The following FAM83A variants were observed in gnomAD, a reference collection of about 807,000 sequenced individuals.
FAM83A encodes the protein protein FAM83A.
In FAM83A, 21 loss-of-function variants were observed where a neutral mutation model predicts 24.4. The observed-to-expected ratio is 0.86, with a 90% CI of 0.61 to 1.24. FAM83A has a LOEUF of 1.24. Ranked by LOEUF, FAM83A falls within the 50% of genes most tolerant of loss-of-function variation. FAM83A has a pLI of 0.00. For missense variants in FAM83A, 617 were observed against 579.8 expected, an observed-to-expected ratio of 1.06 and a Z score of -0.66; for synonymous variants, 270 against 252.4, an observed-to-expected ratio of 1.07 and a Z score of -0.66.
exon 4 of FAM83A, chr8:123,207,868 T>C: frequency 7.2e-7 from 1 of 1,380,596 alleles, no homozygotes; most frequent in Non-Finnish European, 9.3e-7. Flanking sequence ...CACCAGTTCT[T>C]GGGTTCCCCG....
At chr8:123,180,170 C>T (rs878883390), upstream of FAM83A, 7 of 152,190 alleles carry the variant, frequency 4.6e-5, no homozygotes, top group Admixed American at 4.6e-4. Context: ...CAGCGATGGC[C>T]AAGTATGGGA....
intron 1 of FAM83A, among the ~76,000 whole-genome samples, chr8:123,190,614 A>G (rs1823943870): frequency 1.3e-5 from 2 of 152,226 alleles, no homozygotes; most frequent in Admixed American, 1.3e-4. Context: ...TCAGTATATC[A>G]CAATTAAGGT....
chr8:123,201,869 C>T (rs1258844617), intron 3 of FAM83A: 1 of 152,314 alleles, frequency 6.6e-6, no homozygotes, highest in Non-Finnish European at 1.5e-5. Flanking sequence ...TCAGCAGGAG[C>T]TAAGGAAGTG....
exon 1 of FAM83A, chr8:123,183,101 C>G: frequency 6.2e-7 from 1 of 1,613,950 alleles, no homozygotes; most frequent in Non-Finnish European, 8.5e-7. Context: ...CCGTGTCCCC[C>G]AGACACCCTG....
chr8:123,186,228 C>T (rs909789603), intron 1 of FAM83A, among the ~76,000 whole-genome samples: 3 of 152,148 alleles, frequency 2.0e-5, no homozygotes, highest in South Asian at 2.1e-4. Flanking sequence ...TATGCACACA[C>T]AAACACACAC....
exon 1 of FAM83A, chr8:123,183,119 C>G (rs34007285): frequency 1.2e-6 from 2 of 1,613,882 alleles, no homozygotes; most frequent in Non-Finnish European, 1.7e-6. Flanking sequence ...CTGGGAGGGG[C>G]GGAAGCAGGC....
chr8:123,207,288 C>G, exon 4 of FAM83A: 3 of 1,612,426 alleles, frequency 1.9e-6, no homozygotes, highest in Non-Finnish European at 1.7e-6. Flanking sequence ...CTGAAGTCCC[C>G]GCGGCTGGTC....
intron 2 of FAM83A, 49 bp downstream of exon 2, chr8:123,192,019 G>A (rs1353681816): frequency 1.3e-6 from 2 of 1,591,764 alleles, no homozygotes; most frequent in Non-Finnish European, 1.7e-6. Context: ...AGCCCAGATA[G>A]GATAGTCTAT....
chr8:123,195,460 T>C (rs879877825), intron 3 of FAM83A, among the ~76,000 whole-genome samples: 1 of 152,240 alleles, frequency 6.6e-6, no homozygotes, highest in Non-Finnish European at 1.5e-5. Context: ...GCCTTATTAG[T>C]GCCGTTTAGC....
In FAM83A at chr8:123,183,353, C is replaced by T. The variant is rs1186452210; in HGVS notation, c.480+17C>T. 2 of 1,598,434 alleles carry T rather than the reference C, an allele frequency of 1.3e-6. No homozygotes were observed. The highest frequency in any genetic ancestry group is 1.7e-5 in the Admixed American group (1 of 59,306). On this transcript the variant is annotated intron_variant, in intron 1 of 3. Transcript: ENST00000690554. The stretch of plus-strand genomic sequence containing the variant: ...ACTAGCCAGGTACCGATGGCAAAGC[C>T]CCTGTCTCCGTGGCCAAGTAGCAGG...
chr8:123,187,501 G>A (rs1454692350), intron 1 of FAM83A, among the ~76,000 whole-genome samples: 1 of 152,092 alleles, frequency 6.6e-6, no homozygotes, highest in South Asian at 2.1e-4. Flanking sequence ...CCACATTTTT[G>A]TTATTGTTTT....
chr8:123,207,565 C>A (rs773327588), exon 4 of FAM83A: 2 of 1,565,442 alleles, frequency 1.3e-6, no homozygotes, highest in Admixed American at 1.8e-5. Flanking sequence ...ACGGCCCGCC[C>A]GCCGCTGTCT....
exon 4 of FAM83A, chr8:123,207,213 A>T: frequency 6.2e-7 from 1 of 1,610,990 alleles, no homozygotes; most frequent in Non-Finnish European, 8.5e-7. Context: ...TTCACAGGCC[A>T]GGCGGTGGAG....
At chr8:123,197,230 C>T (rs1040974166) in intron 3 of FAM83A, among the ~76,000 whole-genome samples, 2 of 152,080 alleles carry the variant, frequency 1.3e-5, no homozygotes, top group African/African-American at 4.8e-5. Flanking sequence ...CGTCCTCAAA[C>T]GTTATAGAAT....
exon 4 of FAM83A, chr8:123,207,943 C>CA: frequency 2.4e-6 from 3 of 1,233,008 alleles, no homozygotes; most frequent in Non-Finnish European, 3.0e-6. Flanking sequence ...AGCTAGAGGA[C>CA]AAAATCATGA....
chr8:123,195,359 A>G (rs1262900530), intron 3 of FAM83A, among the ~76,000 whole-genome samples: 1 of 152,244 alleles, frequency 6.6e-6, no homozygotes, highest in Admixed American at 6.5e-5. Context: ...GCCAACTGGC[A>G]AATCTCTAGC....
chr8:123,208,772 G>T, exon 4 of FAM83A: 1 of 979,044 alleles, frequency 1.0e-6, no homozygotes, highest in Non-Finnish European at 1.2e-6. Flanking sequence ...AAGGTGGTTG[G>T]ATTACCTGAG....
upstream of FAM83A, chr8:123,182,414 C>T: frequency 2.7e-6 from 1 of 368,616 alleles, no homozygotes; most frequent in South Asian, 2.0e-5. Context: ...CAGAGGCAGG[C>T]AGGCCTCCTT....
intron 1 of FAM83A, among the ~76,000 whole-genome samples, chr8:123,190,666 A>G (rs1391485858): frequency 1.3e-5 from 2 of 152,156 alleles, no homozygotes; most frequent in Non-Finnish European, 2.9e-5. Context: ...AGTAAACCCA[A>G]ACAAGCTTAA....
Sources: allele counts gnomAD v4.1 joint callset (sites outside exome capture counted in the v4.1 genomes callset), GRCh38; gene constraint gnomAD v4.1.1; transcripts MANE v1.5; gene names NCBI Gene and HGNC (gene_info 2026-07-23, HGNC 2026-07-21).